RYR2: variants seen among roughly 807,000 people sequenced by gnomAD.
The protein encoded by RYR2 is ryanodine receptor 2.
RYR2 carries 227 observed loss-of-function variants against 601.1 expected under a neutral mutation model. The observed-to-expected ratio is 0.38, with a 90% CI of 0.34 to 0.42. The LOEUF (loss-of-function observed/expected upper bound fraction) is 0.42. Among genes scored for constraint, RYR2 ranks in the 10% least tolerant of loss-of-function variants. RYR2 has a pLI of 1.00. For synonymous variants in RYR2, 2,223 were observed against 2,175.1 expected (o/e 1.02, Z -0.61); for missense variants, 4,646 against 6,156.5 (o/e 0.75, Z 8.21).
chr1:237,515,693 T>TTCCC (rs1558952027), intron 24 of RYR2, among the ~76,000 whole-genome samples: 3 of 2,258 alleles, frequency 1.3e-3, no homozygotes, highest in Non-Finnish European at 3.1e-3. Context: ...CCTTCCTTCC[T>TTCCC]TCCCTCCCCT....
At chr1:237,825,099 T>G (rs973005701) in intron 101 of RYR2, among the ~76,000 whole-genome samples, 13 of 152,102 alleles carry the variant, frequency 8.5e-5, no homozygotes, top group Admixed American at 8.5e-4. Context: ...CCAAAGTAAT[T>G]TATAGATTCA....
At chr1:237,249,694 C>T (rs1572357426) in intron 1 of RYR2, among the ~76,000 whole-genome samples, 1 of 152,112 alleles carries the variant, frequency 6.6e-6, no homozygotes, top group African/African-American at 2.4e-5. Context: ...TAGCATTGGC[C>T]TCAAAATATC....
chr1:237,580,971 C>T (rs1572961573), intron 29 of RYR2, among the ~76,000 whole-genome samples: 4 of 152,310 alleles, frequency 2.6e-5, no homozygotes, highest in African/African-American at 9.6e-5. Flanking sequence ...GTTTAAGTCA[C>T]TCAGTCTGTG....
At chr1:237,697,674 T>C (rs1687617002) in intron 63 of RYR2, among the ~76,000 whole-genome samples, 1 of 151,294 alleles carries the variant, frequency 6.6e-6, no homozygotes, top group Non-Finnish European at 1.5e-5. Flanking sequence ...ACTATTTTGT[T>C]CATTACTGGA....
chr1:237,792,383 G>A (rs1171874205), intron 94 of RYR2, 60 bp downstream of exon 94: 15 of 660,356 alleles, frequency 2.3e-5, no homozygotes, highest in African/African-American at 1.1e-4. Context: ...GTGTGTGTGC[G>A]TGTGTGTGTG....
intron 42 of RYR2, 72 bp downstream of exon 42, chr1:237,631,613 A>ATTTTTGTTTTTTTTTTTTTT (rs1680263947): frequency 5.2e-6 from 1 of 191,274 alleles, no homozygotes; most frequent in African/African-American, 6.8e-5. Context: ...TAGAATGCAG[A>ATTTTTGTTTTTTTTTTTTTT]TTTTTTTTTT....
intron 51 of RYR2, among the ~76,000 whole-genome samples, chr1:237,653,240 G>A (rs1682936592): frequency 6.6e-6 from 1 of 152,178 alleles, no homozygotes; most frequent in Admixed American, 6.5e-5. Flanking sequence ...AGTGATCAGA[G>A]TAGAGCAATT....
At chr1:237,621,014 G>A (rs867738922) in intron 38 of RYR2, among the ~76,000 whole-genome samples, 10 of 152,132 alleles carry the variant, frequency 6.6e-5, no homozygotes, top group Middle Eastern at 3.4e-3. Flanking sequence ...AACATATCCT[G>A]GGCCATAAAA....
chr1:237,814,034 G>A (rs996090294), intron 100 of RYR2, among the ~76,000 whole-genome samples: 1 of 152,168 alleles, frequency 6.6e-6, no homozygotes, highest in Non-Finnish European at 1.5e-5. Context: ...CCCAGTAATT[G>A]TCCCTAAAAA....
chr1:237,455,224 G>T (rs1012217451), intron 15 of RYR2, among the ~76,000 whole-genome samples: 29 of 152,058 alleles, frequency 1.9e-4, no homozygotes, highest in African/African-American at 5.6e-4. Context: ...CAGGAGCTTC[G>T]TTGGAGACTA....
rs1259232031 is a variant in RYR2 at position 237,610,767 on chromosome 1, G to A, written c.4689G>A (p.Val1563=). ...FQFELGRIKN[V]MPLSAGLFKS... is the part of the protein sequence containing the mutation. ...TCTGCCTCCCCATCCGCTAGAATGT[G>A]ATGCCTCTCTCGGCGGGATTATTCA... The change falls in exon 36 of 105, where the codon GTG becomes GTA. Residue 1563 remains valine (V), a synonymous_variant. Coordinates refer to ENST00000366574, the MANE Select transcript of RYR2 (RefSeq NM_001035.3). The surrounding 1 kb of genome is among the most constrained non-coding windows in gnomAD (Gnocchi z 4.9). The A allele has an allele frequency of 3.7e-6, 6 of 1,601,926 alleles. No homozygotes were observed. The African/African-American group carries it at 8.0e-5, about 21-fold the overall frequency.
chr1:237,795,373 GT>G, intron 96 of RYR2, 42 bp downstream of exon 96: 2 of 1,032,180 alleles, frequency 1.9e-6, no homozygotes, highest in Non-Finnish European at 2.9e-6. Flanking sequence ...TTAAAGCACA[GT>G]TTAGATTTTT....
At chr1:237,650,299 T>A (rs868424754) in intron 50 of RYR2, among the ~76,000 whole-genome samples, 3 of 152,058 alleles carry the variant, frequency 2.0e-5, no homozygotes, top group Admixed American at 6.5e-5. Flanking sequence ...CCTCCAAGCC[T>A]CCCTAGGGTA....
Position 237,106,357 on chromosome 1 carries a change from C to G in RYR2, c.48+63788C>G, listed in dbSNP as rs1353439907. ...AGCAGGGGGAGGTGGCACCGAGCAG[C>G]AGGACCCTGGATATTTTTTTGGACA... On this transcript the variant is annotated intron_variant, in intron 1 of 104. Transcript: ENST00000366574. This position sits in a 1 kb window ranked among gnomAD's most constrained non-coding sequence, Gnocchi z 4.4. Among the ~76,000 whole-genome samples the G allele has an allele frequency of 6.6e-6, 1 of 152,108 alleles. No individual in the cohort carries two copies. The highest frequency in any genetic ancestry group is 1.5e-5 in the Non-Finnish European group (1 of 68,028).
At chr1:237,083,649 T>A (rs1447003003) in intron 1 of RYR2, among the ~76,000 whole-genome samples, 1 of 152,104 alleles carries the variant, frequency 6.6e-6, no homozygotes, top group African/African-American at 2.4e-5. Context: ...TCTGCAGGTC[T>A]TCCTTTCAGA....
chr1:237,118,244 A>G (rs1558265581), intron 1 of RYR2, among the ~76,000 whole-genome samples: 1 of 152,176 alleles, frequency 6.6e-6, no homozygotes, highest in East Asian at 1.9e-4. Flanking sequence ...TTTCAGGTAC[A>G]TCTGAAACTT....
chr1:237,057,255 G>A (rs1479354959), intron 1 of RYR2, among the ~76,000 whole-genome samples: 4 of 151,888 alleles, frequency 2.6e-5, no homozygotes, highest in East Asian at 1.9e-4. Flanking sequence ...GTGTGATATC[G>A]GCTCACTGCA....
At chr1:237,141,525 T>C (rs987758882) in intron 1 of RYR2, among the ~76,000 whole-genome samples, 6 of 152,194 alleles carry the variant, frequency 3.9e-5, no homozygotes, top group Non-Finnish European at 8.8e-5. Flanking sequence ...TTGGGTGCAG[T>C]TGTTAAGAGA....
chr1:237,619,883 A>G (rs998293648), intron 38 of RYR2, among the ~76,000 whole-genome samples: 3 of 152,204 alleles, frequency 2.0e-5, no homozygotes, highest in African/African-American at 7.2e-5. Flanking sequence ...CGAAGGGGAA[A>G]TCAAGACATT....
Sources: allele counts gnomAD v4.1 joint callset (sites outside exome capture counted in the v4.1 genomes callset), GRCh38; gene constraint gnomAD v4.1.1; non-coding constraint Gnocchi (gnomAD v3.1); transcripts MANE v1.5; gene names NCBI Gene and HGNC (gene_info 2026-07-23, HGNC 2026-07-21).